Variants in MYO18B observed in about 807,000 individuals in gnomAD.
MYO18B encodes myosin XVIIIB, also known as unconventional myosin-XVIIIb.
MYO18B carries 204 observed loss-of-function variants against 273.0 expected under a neutral mutation model. The observed-to-expected ratio is 0.75, with a 90% CI of 0.67 to 0.84. The LOEUF is 0.84. Among genes scored for constraint, MYO18B ranks in the 40% least tolerant of loss-of-function variants. MYO18B has a pLI of 0.00. For missense variants in MYO18B, 3,212 were observed against 3,287.6 expected, an observed-to-expected ratio of 0.98 and a Z score of 0.56; for synonymous variants, 1,330 against 1,305.7, an observed-to-expected ratio of 1.02 and a Z score of -0.40.
At chr22:25,988,613 A>G (rs1419047875) in intron 39 of MYO18B, among the ~76,000 whole-genome samples, 1 of 152,172 alleles carries the variant, frequency 6.6e-6, no homozygotes, top group Non-Finnish European at 1.5e-5. Flanking sequence ...AAAAATCTTC[A>G]GAGCCAGAGT....
chr22:25,861,761 A>G (rs2090743912), intron 21 of MYO18B, among the ~76,000 whole-genome samples: 1 of 152,132 alleles, frequency 6.6e-6, no homozygotes. Context: ...CCAAGGGGCC[A>G]TTTGAACACC....
intron 13 of MYO18B, among the ~76,000 whole-genome samples, chr22:25,824,930 G>GAA (rs60331723): frequency 6.6e-6 from 1 of 151,780 alleles, no homozygotes; most frequent in African/African-American, 2.4e-5. Context: ...TCACACACAT[G>GAA]CACAGACACT....
chr22:26,063,319 C>A, the MYO18B span, among the ~76,000 whole-genome samples: 1 of 152,150 alleles, frequency 6.6e-6, no homozygotes, highest in South Asian at 2.1e-4. Context: ...GAACCCGATG[C>A]GTGAAGAGAA....
At chr22:25,913,146 G>T (rs1247539959) in intron 33 of MYO18B, among the ~76,000 whole-genome samples, 3 of 152,132 alleles carry the variant, frequency 2.0e-5, no homozygotes, top group Non-Finnish European at 4.4e-5. Context: ...TGTACAATTT[G>T]GGAATTATTA....
In MYO18B at chr22:25,898,268, G is replaced by C. The variant is rs766107152; in HGVS notation, c.4669-39G>C. ...ATACAAAGTAAAAAGCTCGTTCCAT[G>C]CCCACAGAGCCGGGTAATTCATTCT... On this transcript the variant is annotated intron_variant, in intron 28 of 43. Transcript: ENST00000335473. 3 of 1,589,322 alleles carry C rather than the reference G, an allele frequency of 1.9e-6. No individual in the cohort carries two copies. The South Asian group carries it at 3.5e-5, about 18-fold the overall frequency.
intron 11 of MYO18B, among the ~76,000 whole-genome samples, chr22:25,793,761 A>G (rs1262661479): frequency 6.6e-6 from 1 of 152,212 alleles, no homozygotes; most frequent in African/African-American, 2.4e-5. Flanking sequence ...TTACCAAATT[A>G]CCTGAAGACT....
rs1198387242 is a variant in MYO18B, at chr22:26,027,940, C to T, written c.*12+250C>T. Among the ~76,000 whole-genome samples the T allele has an allele frequency of 3.3e-5, 5 of 152,116 alleles. No individual in the cohort carries two copies. Among genetic ancestry groups the T allele is most frequent in the East Asian group, 1.9e-4 (1 of 5,174 alleles). On this transcript the variant is annotated intron_variant, in intron 43 of 43. Coordinates refer to ENST00000335473, the MANE Select transcript of MYO18B (RefSeq NM_032608.7). This position sits in a 1 kb window ranked among gnomAD's most constrained non-coding sequence, Gnocchi z 4.1. Reference sequence around the variant, plus strand: ...AAAGTAAGAGGTTCCTGTGGGATACCGCTAAAGAAGGTGCCAGATGTAGCC... The same window carrying T: ...AAAGTAAGAGGTTCCTGTGGGATACTGCTAAAGAAGGTGCCAGATGTAGCC...
intron 1 of MYO18B, among the ~76,000 whole-genome samples, chr22:25,752,630 C>G (rs75557786): frequency 0.31 from 47,677 of 151,892 alleles, 7,833 homozygotes; most frequent in South Asian, 0.42. Context: ...CAAGCCACAG[C>G]TATGCAGCTG....
In MYO18B at chr22:25,966,746, A is replaced by G. The variant is rs181502790; in HGVS notation, c.6156+11382A>G. Among the ~76,000 whole-genome samples the G allele has an allele frequency of 4.6e-5, 7 of 152,272 alleles. No homozygotes were observed. The East Asian group carries it at 1.2e-3, about 25-fold the overall frequency. On this transcript the variant is annotated intron_variant, in intron 39 of 43. Coordinates refer to ENST00000335473, the MANE Select transcript of MYO18B (RefSeq NM_032608.7). Reference sequence around the variant, plus strand: ...ACTGTGGTTTCCTGTTTGTCTCCCTACAAAGGTTTCTGTACAAAAGAAACT... The same window carrying G: ...ACTGTGGTTTCCTGTTTGTCTCCCTGCAAAGGTTTCTGTACAAAAGAAACT...
intron 39 of MYO18B, among the ~76,000 whole-genome samples, chr22:25,978,616 T>C (rs1226185968): frequency 6.6e-6 from 1 of 152,074 alleles, no homozygotes; most frequent in Non-Finnish European, 1.5e-5. Context: ...TGGAATACAG[T>C]TGGAGAGTGG....
chr22:26,059,326 C>T, the MYO18B span, among the ~76,000 whole-genome samples: 1 of 151,984 alleles, frequency 6.6e-6, no homozygotes, highest in Non-Finnish European at 1.5e-5. Flanking sequence ...GGAAGAGGAC[C>T]CAAATGTGGA....
At chr22:25,887,758 C>T (rs1324673210) in intron 25 of MYO18B, among the ~76,000 whole-genome samples, 1 of 152,118 alleles carries the variant, frequency 6.6e-6, no homozygotes, top group Non-Finnish European at 1.5e-5. Context: ...CACCTTGTCT[C>T]TGAGAAAAAC....
intron 39 of MYO18B, among the ~76,000 whole-genome samples, chr22:25,965,461 A>G (rs1234785825): frequency 6.6e-6 from 1 of 152,182 alleles, no homozygotes; most frequent in Non-Finnish European, 1.5e-5. Context: ...GTGCTGGTAA[A>G]TGTTTAACAA....
intron 40 of MYO18B, among the ~76,000 whole-genome samples, chr22:26,002,288 T>C (rs1934031561): frequency 6.6e-6 from 1 of 152,248 alleles, no homozygotes; most frequent in Non-Finnish European, 1.5e-5. Flanking sequence ...CCATGGCTGT[T>C]GTTTACTGAC....
intron 39 of MYO18B, among the ~76,000 whole-genome samples, chr22:25,982,028 G>A (rs529564259): frequency 6.6e-6 from 1 of 152,290 alleles, no homozygotes; most frequent in Non-Finnish European, 1.5e-5. Context: ...GGGGAAGCAG[G>A]CGGTCCCTAC....
At position 25,785,503 on chromosome 22, in the gene MYO18B, G is replaced by T; in HGVS notation, c.2376+12G>T. 1 of 1,610,920 alleles carries T rather than the reference G, an allele frequency of 6.2e-7. No individual in the cohort carries two copies. Among genetic ancestry groups the T allele is most frequent in the Non-Finnish European group, 8.5e-7 (1 of 1,178,582 alleles). On this transcript the variant is annotated intron_variant, in intron 11 of 43. Coordinates refer to ENST00000335473, the MANE Select transcript of MYO18B (RefSeq NM_032608.7). ...GCGTGTGGTCCAAGGTAAGGAGGAG[G>T]TCCCTCACGGGTGGGATGTGAGTCT...
At chr22:25,957,412 A>G (rs367897477) in intron 39 of MYO18B, among the ~76,000 whole-genome samples, 6 of 152,210 alleles carry the variant, frequency 3.9e-5, no homozygotes, top group Non-Finnish European at 7.3e-5. Flanking sequence ...ACAAAACCTT[A>G]AAGAGCTTGC....
chr22:25,912,779 T>C (rs897354116), intron 33 of MYO18B, among the ~76,000 whole-genome samples: 1 of 152,200 alleles, frequency 6.6e-6, no homozygotes, highest in Admixed American at 6.5e-5. Flanking sequence ...CTTTTCTCTT[T>C]CTTTCCTCCC....
At chr22:26,021,104 G>GA (rs763150415) in intron 42 of MYO18B, among the ~76,000 whole-genome samples, 1 of 152,028 alleles carries the variant, frequency 6.6e-6, no homozygotes, top group Non-Finnish European at 1.5e-5. Flanking sequence ...ATAAAGAAAA[G>GA]AAAAAATACC....
Sources: allele counts gnomAD v4.1 joint callset (sites outside exome capture counted in the v4.1 genomes callset), GRCh38; gene constraint gnomAD v4.1.1; non-coding constraint Gnocchi (gnomAD v3.1); transcripts MANE v1.5; gene names NCBI Gene and HGNC (gene_info 2026-07-23, HGNC 2026-07-21).